HS6ST3: variants seen among roughly 807,000 people sequenced by gnomAD.
HS6ST3 encodes the protein heparan sulfate 6-O-sulfotransferase 3.
A neutral mutation model predicts 36.7 loss-of-function variants in HS6ST3; 12 were observed. The ratio of observed to expected loss-of-function variants is 0.33; its 90% CI spans 0.21 to 0.53. The LOEUF is 0.53. HS6ST3 is among the 20% of genes least tolerant of loss of function. The pLI is 0.95. For missense variants in HS6ST3, 584 were observed against 640.9 expected (o/e 0.91, Z 0.96); for synonymous variants, 240 against 257.5 (o/e 0.93, Z 0.65).
intron 1 of HS6ST3, among the ~76,000 whole-genome samples, chr13:96,610,479 T>A (rs2056453537): frequency 6.6e-6 from 1 of 152,184 alleles, no homozygotes; most frequent in Non-Finnish European, 1.5e-5. Context: ...CCCAGAAGTA[T>A]CAGGAACTGG....
intron 1 of HS6ST3, among the ~76,000 whole-genome samples, chr13:96,293,743 A>C (rs1168818036): frequency 6.6e-6 from 1 of 152,144 alleles, no homozygotes; most frequent in Non-Finnish European, 1.5e-5. Context: ...CCTCTGGAGC[A>C]TATTGGTAAG....
At chr13:96,730,516 G>A (rs969203185) in intron 1 of HS6ST3, among the ~76,000 whole-genome samples, 26 of 152,112 alleles carry the variant, frequency 1.7e-4, no homozygotes, top group African/African-American at 5.5e-4. Flanking sequence ...AAATCTTTTC[G>A]TGTGTGACAC....
chr13:96,470,935 A>G (rs2055837410), intron 1 of HS6ST3, among the ~76,000 whole-genome samples: 1 of 152,200 alleles, frequency 6.6e-6, no homozygotes, highest in Admixed American at 6.5e-5. Flanking sequence ...TGGGAAAGAA[A>G]TAGCATCTGT....
At chr13:96,154,628 A>G (rs1398959574) in intron 1 of HS6ST3, among the ~76,000 whole-genome samples, 2 of 152,166 alleles carry the variant, frequency 1.3e-5, no homozygotes, top group Non-Finnish European at 2.9e-5. Context: ...ATAGATGAAC[A>G]GATAAAGATA....
intron 1 of HS6ST3, among the ~76,000 whole-genome samples, chr13:96,434,127 A>G (rs2055630111): frequency 6.6e-6 from 1 of 152,116 alleles, no homozygotes; most frequent in African/African-American, 2.4e-5. Context: ...CCATATCTTG[A>G]TGTCAGACTT....
intron 1 of HS6ST3, among the ~76,000 whole-genome samples, chr13:96,351,658 C>G (rs1464223646): frequency 6.6e-6 from 1 of 152,086 alleles, no homozygotes; most frequent in Non-Finnish European, 1.5e-5. Context: ...TGGAAGAAAT[C>G]AAACTGATGA....
rs146511056 is a variant in HS6ST3 at position 96,712,278 on chromosome 13, C to T, written c.708-120212C>T. ...GAGGTAATTAGGACATGAACAGCAA[C>T]GTAAGAGACATAAATTCATCTCTCT... On this transcript the variant is annotated intron_variant, in intron 1 of 1. Coordinates refer to ENST00000376705, the MANE Select transcript of HS6ST3 (RefSeq NM_153456.4). 1.9e-3 allele frequency among the ~76,000 whole-genome samples: 284 copies of T among 152,194 alleles called. 2 individuals carry two copies. The highest frequency in any genetic ancestry group is 6.3e-3 in the African/African-American group (261 of 41,532).
intron 1 of HS6ST3, among the ~76,000 whole-genome samples, chr13:96,547,218 A>G (rs2056201090): frequency 6.6e-6 from 1 of 152,206 alleles, no homozygotes; most frequent in African/African-American, 2.4e-5. Flanking sequence ...GGAAAGAACA[A>G]TTAGATAGTG....
At chr13:96,171,345 T>G (rs982099517) in intron 1 of HS6ST3, among the ~76,000 whole-genome samples, 2 of 152,160 alleles carry the variant, frequency 1.3e-5, no homozygotes, top group African/African-American at 4.8e-5. Context: ...GGTCAAAATG[T>G]CTTTTCTTTC....
chr13:96,374,267 A>G (rs1363162549), intron 1 of HS6ST3, among the ~76,000 whole-genome samples: 1 of 152,222 alleles, frequency 6.6e-6, no homozygotes, highest in East Asian at 1.9e-4. Context: ...AACCTAATTG[A>G]CAATCAATAA....
At chr13:96,663,450 G>C (rs2056653410) in intron 1 of HS6ST3, among the ~76,000 whole-genome samples, 2 of 152,158 alleles carry the variant, frequency 1.3e-5, no homozygotes, top group African/African-American at 2.4e-5. Flanking sequence ...GCCACAGTTA[G>C]GTGCCATTAT....
intron 1 of HS6ST3, among the ~76,000 whole-genome samples, chr13:96,254,482 T>A (rs2054626148): frequency 4.6e-5 from 1 of 21,970 alleles, no homozygotes; most frequent in Non-Finnish European, 7.4e-5. Context: ...TATATATATA[T>A]ATATATATAT....
chr13:96,381,378 C>T (rs201330025), intron 1 of HS6ST3, among the ~76,000 whole-genome samples: 1 of 137,016 alleles, frequency 7.3e-6, no homozygotes, highest in Non-Finnish European at 1.5e-5. Context: ...ATTTATCCAT[C>T]TATCTATGTA....
At chr13:96,288,764 C>T (rs146629788) in intron 1 of HS6ST3, among the ~76,000 whole-genome samples, 1 of 152,076 alleles carries the variant, frequency 6.6e-6, no homozygotes, top group East Asian at 1.9e-4. Context: ...GAAAAAGATG[C>T]CTTATTTTGC....
intron 1 of HS6ST3, among the ~76,000 whole-genome samples, chr13:96,690,606 C>G (rs151337310): frequency 6.6e-6 from 1 of 152,066 alleles, no homozygotes; most frequent in Admixed American, 6.6e-5. Context: ...TATTTACCTC[C>G]ATTTGCCTGG....
intron 1 of HS6ST3, among the ~76,000 whole-genome samples, chr13:96,476,934 T>C (rs1280727906): frequency 1.3e-5 from 2 of 152,228 alleles, no homozygotes; most frequent in Non-Finnish European, 2.9e-5. Context: ...AAATCAATTG[T>C]AAGGAGGAAT....
intron 1 of HS6ST3, among the ~76,000 whole-genome samples, chr13:96,133,126 A>G (rs2053984108): frequency 6.6e-6 from 1 of 151,752 alleles, no homozygotes; most frequent in South Asian, 2.1e-4. Context: ...TTAATTAATT[A>G]ATTAATTATT....
intron 1 of HS6ST3, among the ~76,000 whole-genome samples, chr13:96,525,545 T>TAC (rs535787057): frequency 3.4e-4 from 51 of 150,950 alleles, no homozygotes; most frequent in Non-Finnish European, 4.7e-4. Flanking sequence ...GTTTTAGTGT[T>TAC]ACACACACAC....
intron 1 of HS6ST3, among the ~76,000 whole-genome samples, chr13:96,472,839 A>G: frequency 6.6e-6 from 1 of 152,194 alleles, no homozygotes; most frequent in East Asian, 1.9e-4. Flanking sequence ...GGTTACTTGT[A>G]AGACAGTTCA....
Sources: allele counts gnomAD v4.1 joint callset (sites outside exome capture counted in the v4.1 genomes callset), GRCh38; gene constraint gnomAD v4.1.1; transcripts MANE v1.5; gene names NCBI Gene and HGNC (gene_info 2026-07-23, HGNC 2026-07-21).